Variants in FMN1 observed in about 807,000 individuals in gnomAD.
The protein encoded by FMN1 is formin-1.
A neutral mutation model predicts 132.4 loss-of-function variants in FMN1; 110 were observed. The ratio of observed to expected loss-of-function variants is 0.83; its 90% confidence interval spans 0.71 to 0.97. The LOEUF is 0.97. Among genes scored for constraint, FMN1 ranks in the 50% least tolerant of loss-of-function variants. FMN1 has a pLI of 0.00. For synonymous variants in FMN1, 722 were observed against 651.7 expected (o/e 1.11, Z -1.64); for missense variants, 1,792 against 1,705.3 (o/e 1.05, Z -0.90).
rs1042817594 is a variant in FMN1 at position 32,962,123 on chromosome 15, A to G, written c.3138+1984T>C. Among the ~76,000 whole-genome samples the G allele has an allele frequency of 9.2e-4, 140 of 151,938 alleles. 1 individual carries two copies. The highest frequency in any genetic ancestry group is 4.9e-4 in the Non-Finnish European group (33 of 67,964). On this transcript the variant is annotated intron_variant, in intron 9 of 20. Coordinates refer to ENST00000616417, the MANE Select transcript of FMN1 (RefSeq NM_001277313.2). ...GCAAGGATTTATTATTATTATTATT[A>G]TTATTATTTTACTTTTATTTTTTGC...
intron 9 of FMN1, among the ~76,000 whole-genome samples, chr15:32,936,930 T>C (rs570613242): frequency 6.6e-6 from 1 of 152,280 alleles, no homozygotes; most frequent in South Asian, 2.1e-4. Flanking sequence ...CACCTAGCTT[T>C]TTGTTCTCAG....
At chr15:33,157,446 G>C (rs1402640306) in intron 3 of FMN1, among the ~76,000 whole-genome samples, 1 of 151,948 alleles carries the variant, frequency 6.6e-6, no homozygotes, top group African/African-American at 2.4e-5. Flanking sequence ...TTACAGATGA[G>C]GAAACTGAAA....
chr15:32,813,579 TCTA>T (rs2057959241), intron 17 of FMN1, among the ~76,000 whole-genome samples: 1 of 152,238 alleles, frequency 6.6e-6, no homozygotes, highest in African/African-American at 2.4e-5. Flanking sequence ...TGGCTGATAT[TCTA>T]CTACTTTTGT....
rs147264326 is a variant in FMN1, at chr15:32,853,489, T to C, written c.3928+3526A>G. ...TGAAATACTATAAACTGTATGACAA[T>C]TGTCATAGAAATTTGATTATCTATG... On this transcript the variant is annotated intron_variant, in intron 17 of 20. Coordinates refer to ENST00000616417, the MANE Select transcript of FMN1 (RefSeq NM_001277313.2). Among the ~76,000 whole-genome samples the C allele has an allele frequency of 9.3e-4, 142 of 152,324 alleles. 2 individuals are homozygous for C. The highest frequency in any genetic ancestry group is 3.2e-3 in the African/African-American group (135 of 41,572).
intron 12 of FMN1, among the ~76,000 whole-genome samples, chr15:32,903,250 A>G (rs1358837066): frequency 6.6e-6 from 1 of 152,258 alleles, no homozygotes; most frequent in African/African-American, 2.4e-5. Flanking sequence ...TCAATAACCC[A>G]TTATTATGAA....
chr15:33,000,311 C>T (rs1279062379), intron 7 of FMN1, among the ~76,000 whole-genome samples: 1 of 151,930 alleles, frequency 6.6e-6, no homozygotes, highest in East Asian at 1.9e-4. Context: ...TAGCTGGGTG[C>T]AGTGGCGGCC....
At chr15:32,873,473 G>A (rs2059563827) in intron 16 of FMN1, among the ~76,000 whole-genome samples, 1 of 152,202 alleles carries the variant, frequency 6.6e-6, no homozygotes, top group Non-Finnish European at 1.5e-5. Flanking sequence ...TCTCTCTTGA[G>A]TTATGGCGCA....
At chr15:33,175,177 C>T (rs1965473681) in intron 3 of FMN1, among the ~76,000 whole-genome samples, 1 of 152,114 alleles carries the variant, frequency 6.6e-6, no homozygotes, top group African/African-American at 2.4e-5. Flanking sequence ...AGGGGCATAC[C>T]ACAATGCTCA....
At chr15:33,091,564 C>G (rs1455424259) in intron 4 of FMN1, among the ~76,000 whole-genome samples, 3 of 152,042 alleles carry the variant, frequency 2.0e-5, no homozygotes, top group Non-Finnish European at 4.4e-5. Context: ...AGAAAAGGAC[C>G]ATAAGTAACA....
chr15:33,141,898 C>T (rs535914815), intron 4 of FMN1, among the ~76,000 whole-genome samples: 6 of 152,142 alleles, frequency 3.9e-5, no homozygotes, highest in African/African-American at 1.4e-4. Flanking sequence ...CTCCCAGCAG[C>T]GGAGAGAACA....
At chr15:32,856,962 G>T in intron 17 of FMN1, 53 bp downstream of exon 17, 1 of 1,296,982 alleles carries the variant, frequency 7.7e-7, no homozygotes, top group Non-Finnish European at 1.1e-6. Flanking sequence ...AAGATTCATG[G>T]AATGAAGGAT....
chr15:32,930,472 T>G (rs2140378867), intron 9 of FMN1, among the ~76,000 whole-genome samples: 1 of 152,250 alleles, frequency 6.6e-6, no homozygotes, highest in South Asian at 2.1e-4. Context: ...ATTGTGATTT[T>G]GAATTGCATT....
intron 7 of FMN1, among the ~76,000 whole-genome samples, chr15:32,973,220 C>T (rs1300517352): frequency 6.6e-6 from 1 of 152,224 alleles, no homozygotes; most frequent in African/African-American, 2.4e-5. Flanking sequence ...CACACATCAA[C>T]AGCTCTTCTG....
chr15:33,004,346 A>G (rs1439897173), intron 7 of FMN1, among the ~76,000 whole-genome samples: 2 of 152,200 alleles, frequency 1.3e-5, no homozygotes, highest in African/African-American at 2.4e-5. Flanking sequence ...CAAATTTACA[A>G]GAAAAAAACA....
intron 4 of FMN1, among the ~76,000 whole-genome samples, chr15:33,125,003 TA>T (rs1962915999): frequency 6.6e-6 from 1 of 152,176 alleles, no homozygotes; most frequent in Non-Finnish European, 1.5e-5. Flanking sequence ...CTGGAATGTA[TA>T]AAATCCCTTC....
At chr15:33,019,486 C>A (rs577168844) in intron 6 of FMN1, among the ~76,000 whole-genome samples, 6 of 152,358 alleles carry the variant, frequency 3.9e-5, no homozygotes, top group South Asian at 4.1e-4. Context: ...CCGTGCGACT[C>A]CTCAGCCCTT....
At chr15:33,158,005 A>AG (rs1964743952) in intron 3 of FMN1, among the ~76,000 whole-genome samples, 2 of 148,296 alleles carry the variant, frequency 1.3e-5, no homozygotes, top group South Asian at 4.3e-4. Context: ...AAAAAAAAAA[A>AG]AAAAAGAAAA....
At chr15:32,860,103 G>A (rs1455031788) in intron 16 of FMN1, among the ~76,000 whole-genome samples, 1 of 146,042 alleles carries the variant, frequency 6.8e-6, no homozygotes, top group African/African-American at 2.5e-5. Flanking sequence ...AAGGCAGGAG[G>A]GAGGGAGGAA....
rs1229091493 is a variant in FMN1, at chr15:32,901,907, A to G, written c.3507+4T>C. 6.2e-7 allele frequency: 1 copy of G among 1,601,402 alleles called. No individual in the cohort carries two copies. The highest frequency in any genetic ancestry group is 8.5e-7 in the Non-Finnish European group (1 of 1,175,944). On this transcript the variant is annotated splice_donor_region_variant and intron_variant, in intron 13 of 20. Transcript: ENST00000616417. ...CTATCTTTTAAATTAGACAGTAAAC[A>G]TACCTTAGAAGCTCGCGTGATGATC...
Sources: gnomAD v4.1 joint callset for allele counts (sites outside exome capture counted in the v4.1 genomes callset) on GRCh38, gnomAD v4.1.1 for gene constraint, MANE v1.5 for transcripts, NCBI Gene and HGNC (gene_info 2026-07-23, HGNC 2026-07-21) for gene names.